ZNF658: variants seen among roughly 807,000 people sequenced by gnomAD.
ZNF658 encodes the protein zinc finger protein 658.
ZNF658 carries 46 observed loss-of-function variants against 78.0 expected under a neutral mutation model. The observed-to-expected ratio is 0.59, with a 90% CI of 0.47 to 0.75. ZNF658 has a LOEUF of 0.75. ZNF658 is among the 30% of genes least tolerant of loss of function. The probability of loss-of-function intolerance (pLI) is 0.00; values close to 1 mark genes in which losing one functional copy is unlikely to be tolerated. For missense variants in ZNF658, 785 were observed against 1,189.3 expected (o/e 0.66, Z 5.00); for synonymous variants, 279 against 408.4 (o/e 0.68, Z 3.82).
In ZNF658 at chr9:66,910,804, A is replaced by T. The variant is rs1440685913; in HGVS notation, c.238+2070A>T. Reference sequence around the variant, plus strand: ...GAGCGAGACTCAGTCCCAAAAAATTAAAAAAAAAAAAAAAATCAGTAAAGT... The same window carrying T: ...GAGCGAGACTCAGTCCCAAAAAATTTAAAAAAAAAAAAAAATCAGTAAAGT... On this transcript the variant is annotated intron_variant, in intron 4 of 4. Coordinates refer to ENST00000621410, the MANE Select transcript of ZNF658 (RefSeq NM_033160.7). 1.6e-3 allele frequency among the ~76,000 whole-genome samples: 18 copies of T among 10,948 alleles called. 1 individual carries two copies. The highest frequency in any genetic ancestry group is 6.8e-3 in the African/African-American group (14 of 2,066). 7.2% of individuals were successfully genotyped at this position (10,948 alleles called of 152,430 possible). A position where few individuals can be genotyped will look rare whatever the true frequency, so the allele number is the denominator to read the frequency against.
At chr9:66,905,028 G>A (rs991654608) in intron 2 of ZNF658, among the ~76,000 whole-genome samples, 2 of 115,886 alleles carry the variant, frequency 1.7e-5, no homozygotes, top group Admixed American at 9.0e-5. Context: ...ATGTCCAGGT[G>A]TGGATTTATC....
downstream of ZNF658, among the ~76,000 whole-genome samples, chr9:66,921,635 G>T (rs1254044328): frequency 6.6e-6 from 1 of 152,166 alleles, no homozygotes; most frequent in Non-Finnish European, 1.5e-5. Flanking sequence ...TGGAGAATGT[G>T]AATAAATGTG....
At position 66,920,071 on chromosome 9, in the gene ZNF658, C is replaced by T. The variant is rs1554760814; in HGVS notation, c.2505C>T (p.Phe835=). ...AATGTAACCAATGTGGGAAAACTTT[C>T]TCCCAAAGAACACACCTCTGTGCAC... ...PYECNQCGKT[F]SQRTHLCAHQ... is the part of the protein sequence containing the mutation. The change falls in exon 5 of 5, where the codon TTC becomes TTT. Residue 835 remains phenylalanine (F), a synonymous_variant. Transcript: ENST00000621410. 1 of 1,613,170 alleles carries T rather than the reference C, an allele frequency of 6.2e-7. No individual in the cohort carries two copies. Among genetic ancestry groups the T allele is most frequent in the African/African-American group, 1.3e-5 (1 of 74,952 alleles).
chr9:66,914,281 ATAT>A (rs1451328776), intron 4 of ZNF658, among the ~76,000 whole-genome samples: 26 of 150,772 alleles, frequency 1.7e-4, no homozygotes, highest in African/African-American at 6.3e-4. Context: ...TGGTGCTGTA[ATAT>A]TGTTTCTGTG....
chr9:66,921,769 G>A (rs540908078), downstream of ZNF658, among the ~76,000 whole-genome samples: 1,561 of 151,076 alleles, frequency 0.01, 19 homozygotes, highest in African/African-American at 0.037. Flanking sequence ...CTACTGGGAG[G>A]TGTCTCCCAG....
chr9:66,904,604 AT>A (rs774432427), intron 2 of ZNF658, among the ~76,000 whole-genome samples: 172 of 152,206 alleles, frequency 1.1e-3, no homozygotes, highest in South Asian at 2.1e-3. Flanking sequence ...TTTTTAGTAC[AT>A]TCTCAGATAA....
At chr9:66,926,411 G>A (rs956726241), downstream of ZNF658, among the ~76,000 whole-genome samples, 14 of 151,902 alleles carry the variant, frequency 9.2e-5, no homozygotes, top group Admixed American at 2.0e-4. Flanking sequence ...AAAATCAATT[G>A]CATTTCTATA....
chr9:66,904,256 AC>A (rs1181507724), intron 2 of ZNF658, among the ~76,000 whole-genome samples: 2 of 152,042 alleles, frequency 1.3e-5, no homozygotes, highest in African/African-American at 2.4e-5. Flanking sequence ...CAGTGTCCCT[AC>A]CCATAGTATA....
intron 6 of ZNF658, among the ~76,000 whole-genome samples, chr9:66,930,563 AC>A (rs533963164): frequency 2.3e-3 from 346 of 151,952 alleles, no homozygotes; most frequent in African/African-American, 8.1e-3. Context: ...TAATCCCAGA[AC>A]TTTGGGAGGC....
At chr9:66,909,782 C>T (rs1202233398) in intron 4 of ZNF658, among the ~76,000 whole-genome samples, 1 of 152,190 alleles carries the variant, frequency 6.6e-6, no homozygotes, top group Non-Finnish European at 1.5e-5. Context: ...TGATATCTCA[C>T]TGTGGTTTTG....
chr9:66,905,068 C>CTTTTTTTTTTTTTTTTTTTTTTTTTTTTT lies in ZNF658; in HGVS notation c.15+1517_15+1518insTTTTTTTTTTTTTTTTTTTTTTTTTTTTT, dbSNP rs1165611922. Among the ~76,000 whole-genome samples, 7 of 31,766 alleles carry CTTTTTTTTTTTTTTTTTTTTTTTTTTTTT rather than the reference C, an allele frequency of 2.2e-4. 1 individual carries two copies. The highest frequency in any genetic ancestry group is 1.1e-3 in the Admixed American group (2 of 1,770). The allele number at this position is 31,766 out of a possible 152,430, so 20.8% of individuals were successfully genotyped here. On this transcript the variant is annotated intron_variant, in intron 2 of 4. Coordinates refer to ENST00000621410, the MANE Select transcript of ZNF658 (RefSeq NM_033160.7). ...CTTTTTTCTTTTCTCTTTTTCTTTTCTTTTTTTTTTTTTTTTTTTTTTTTT... is the reference window on the plus strand; with the variant it reads ...CTTTTTTCTTTTCTCTTTTTCTTTTCTTTTTTTTTTTTTTTTTTTTTTTTTTTTTTTTTTTTTTTTTTTTTTTTTTTTTT...
At chr9:66,923,094 T>C (rs940990973), downstream of ZNF658, among the ~76,000 whole-genome samples, 7 of 146,552 alleles carry the variant, frequency 4.8e-5, no homozygotes, top group African/African-American at 1.5e-4. Context: ...GAAGCCAGTC[T>C]GAGTTCCCAA....
chr9:66,930,442 C>T (rs1822629964), intron 6 of ZNF658, among the ~76,000 whole-genome samples: 1 of 146,078 alleles, frequency 6.8e-6, no homozygotes, highest in Admixed American at 6.9e-5. Flanking sequence ...TGGGACTTGT[C>T]CAACTCTGGA....
rs535741541 is a variant in ZNF658, at chr9:66,921,007, G to T, written c.*261G>T. On this transcript the variant is annotated 3_prime_UTR_variant, in exon 5 of 5. Transcript: ENST00000621410. ...TAAGATGGATTTGGAGGTTATTTCT[G>T]CAGCAAACTTGGGTCCTGTGTGTTC... 98 of 528,728 alleles carry T rather than the reference G, an allele frequency of 1.9e-4. No individual in the cohort carries two copies. The highest frequency in any genetic ancestry group is 3.0e-4 in the Non-Finnish European group (88 of 294,882). 32.8% of individuals were successfully genotyped at this position (528,728 alleles called of 1,614,324 possible).
rs530719602 is a variant in ZNF658, at chr9:66,918,364, G to C, written c.798G>C (p.Arg266Ser). The C allele has an allele frequency of 1.9e-6, 3 of 1,613,826 alleles. No homozygotes were observed. Among genetic ancestry groups the C allele is most frequent in the Non-Finnish European group, 2.5e-6 (3 of 1,179,830 alleles). ...TTAACCACATGAGAACTGACACAAG[G>C]GGGAAATGCTCTGATCTTAATGAAT... ...TLFNHMRTDT[R>S]GKCSDLNEYG... is the part of the protein sequence containing the mutation. Residue 266 changes from arginine to serine, a missense_variant, in exon 5 of 5, where the codon AGG becomes AGC. Arg to Ser is a moderately radical substitution (Grantham distance 110, BLOSUM62 -1). This residue lies in a region of ZNF658 where 393 missense variants were observed against 400.2 expected (regional missense o/e 0.98). Coordinates refer to ENST00000621410, the MANE Select transcript of ZNF658 (RefSeq NM_033160.7).
At chr9:66,914,452 A>C (rs1822287078) in intron 4 of ZNF658, among the ~76,000 whole-genome samples, 1 of 151,802 alleles carries the variant, frequency 6.6e-6, no homozygotes, top group African/African-American at 2.4e-5. Context: ...TTTTATTCTT[A>C]CCTTTTTGCA....
At chr9:66,904,416 C>A (rs1031836685) in intron 2 of ZNF658, among the ~76,000 whole-genome samples, 4 of 151,292 alleles carry the variant, frequency 2.6e-5, no homozygotes, top group Non-Finnish European at 5.9e-5. Context: ...ATGGAGCCAC[C>A]TTCCTTGTCC....
rs1244929601 is a variant in ZNF658 at position 66,908,662 on chromosome 9, G to T, written c.166G>T (p.Val56Leu). 2 of 1,526,494 alleles carry T rather than the reference G, an allele frequency of 1.3e-6. No homozygotes were observed. The highest frequency in any genetic ancestry group is 1.4e-5 in the African/African-American group (1 of 71,710). The allele number at this position is 1,526,494 out of a possible 1,614,324, so 94.6% of individuals were successfully genotyped here. ...SVGYCITKPK[V>L]ISKLEKGEEP... The stretch of plus-strand genomic sequence containing the variant: ...AGGATATTGCATTACTAAACCTAAG[G>T]TGATCTCCAAGTTGGAGAAAGGAGA... The change falls in exon 4 of 5, where the codon GTG becomes TTG. Residue 56 changes from valine (V) to leucine (L), a missense_variant. By Grantham distance (32) the Val-to-Leu change is conservative. Transcript: ENST00000621410.
rs545007582 is a variant in ZNF658, at chr9:66,909,826, C to A, written c.238+1092C>A. Among the ~76,000 whole-genome samples the A allele has an allele frequency of 1.8e-4, 28 of 152,252 alleles. No homozygotes were observed. In the South Asian group the frequency reaches 3.5e-3, roughly 19 times the overall value. On this transcript the variant is annotated intron_variant, in intron 4 of 4. Coordinates refer to ENST00000621410, the MANE Select transcript of ZNF658 (RefSeq NM_033160.7). ...TTCTGTATTAGTCAGCTAGGGCTAT[C>A]ATAATAAAATACCATAGGCTGGGTA... is the stretch of plus-strand genomic sequence containing the variant.
Sources: gnomAD v4.1 joint callset for allele counts (sites outside exome capture counted in the v4.1 genomes callset) on GRCh38, gnomAD v4.1.1 for gene constraint, gnomAD v4.1.1 regional missense constraint, MANE v1.5 for transcripts, NCBI Gene and HGNC (gene_info 2026-07-23, HGNC 2026-07-21) for gene names.